Variants in PKP2 observed in about 807,000 individuals in gnomAD.
PKP2 encodes the protein plakophilin-2.
A neutral mutation model predicts 83.4 loss-of-function variants in PKP2; 73 were observed. The observed-to-expected ratio is 0.88, with a 90% CI of 0.72 to 1.06. The LOEUF (loss-of-function observed/expected upper bound fraction) is 1.06, where lower values mean the gene tolerates loss of function less well. Ranked by LOEUF, PKP2 falls within the 50% of genes least tolerant of loss-of-function variation. The pLI, the probability that PKP2 is intolerant of heterozygous loss-of-function variation, is 0.00. For missense variants in PKP2, 966 were observed against 1,065.4 expected, an observed-to-expected ratio of 0.91 and a Z score of 1.30; for synonymous variants, 409 against 430.4, an observed-to-expected ratio of 0.95 and a Z score of 0.62.
chr12:32,893,572 G>A (rs1167457309), intron 1 of PKP2: 2 of 152,176 alleles, frequency 1.3e-5, no homozygotes, highest in Non-Finnish European at 2.9e-5. Flanking sequence ...GTAAGTAGGT[G>A]TTGTTTGCTG....
chr12:32,838,588 T>G (rs543873146), intron 6 of PKP2, among the ~76,000 whole-genome samples: 2 of 152,346 alleles, frequency 1.3e-5, no homozygotes, highest in East Asian at 3.9e-4. Context: ...ACAAACTCCA[T>G]ACTCTTATCA....
At chr12:32,838,029 G>A (rs1241004330) in intron 6 of PKP2, among the ~76,000 whole-genome samples, 1 of 152,112 alleles carries the variant, frequency 6.6e-6, no homozygotes, top group African/African-American at 2.4e-5. Flanking sequence ...AGGCACATGC[G>A]CTCGCATGTT....
chr12:32,816,711 T>C (rs746651689), intron 9 of PKP2, among the ~76,000 whole-genome samples: 6 of 152,212 alleles, frequency 3.9e-5, no homozygotes, highest in East Asian at 3.9e-4. Flanking sequence ...ACCAATAGTA[T>C]GTAAGTGTTC....
At chr12:32,825,225 G>C (rs1221616488) in intron 6 of PKP2, among the ~76,000 whole-genome samples, 1 of 134,134 alleles carries the variant, frequency 7.5e-6, no homozygotes, top group Non-Finnish European at 1.5e-5. Context: ...CTGGAGTGCA[G>C]TGGCGCGATC....
intron 9 of PKP2, among the ~76,000 whole-genome samples, chr12:32,804,036 G>T (rs1956203892): frequency 6.6e-6 from 1 of 152,164 alleles, no homozygotes; most frequent in African/African-American, 2.4e-5. Context: ...AATGTGTTCA[G>T]GTAACTAAGA....
Position 32,896,607 on chromosome 12 carries a change from C to T in PKP2, c.125G>A (p.Gly42Glu). 6.3e-7 allele frequency: 1 copy of T among 1,585,352 alleles called. No individual in the cohort carries two copies. The highest frequency in any genetic ancestry group is 8.5e-7 in the Non-Finnish European group (1 of 1,174,980). ...TGTCTGGCCGCCGCGGCCGCTGCTCCCCGCCAGCTTCAGCTTGGCCTCGGA... is the reference window on the plus strand; with the variant it reads ...TGTCTGGCCGCCGCGGCCGCTGCTCTCCGCCAGCTTCAGCTTGGCCTCGGA... Reference protein sequence around the residue: ...LPSEAKLKLAGSSGRGGQTVK... With the variant: ...LPSEAKLKLAESSGRGGQTVK... The change falls in exon 1 of 13, where the codon GGG (glycine) becomes GAG (glutamate). Residue 42 changes from glycine (G) to glutamate (E), a missense_variant. Gly to Glu is a moderately conservative substitution (Grantham distance 98, BLOSUM62 -2). Coordinates refer to ENST00000340811, the MANE Select transcript of PKP2 (RefSeq NM_001005242.3).
At chr12:32,814,044 T>C (rs1956299736) in intron 9 of PKP2, among the ~76,000 whole-genome samples, 1 of 152,168 alleles carries the variant, frequency 6.6e-6, no homozygotes, top group Non-Finnish European at 1.5e-5. Context: ...AGGAGGAGAC[T>C]ACTGGACACC....
intron 1 of PKP2, among the ~76,000 whole-genome samples, chr12:32,879,499 T>A (rs1380914817): frequency 6.6e-6 from 1 of 151,884 alleles, no homozygotes; most frequent in Non-Finnish European, 1.5e-5. Flanking sequence ...ACAATTGCAC[T>A]CCAGCCTGGG....
At chr12:32,827,662 G>A (rs1310043784) in intron 6 of PKP2, among the ~76,000 whole-genome samples, 2 of 152,072 alleles carry the variant, frequency 1.3e-5, no homozygotes, top group Non-Finnish European at 2.9e-5. Context: ...TTACCCAATG[G>A]TGGCTCAATA....
At chr12:32,893,911 C>CTTTTTTTTTTTTTTTTTTTTTTTTTT (rs138765604) in intron 1 of PKP2, 2 of 81,758 alleles carry the variant, frequency 2.4e-5, no homozygotes, top group Non-Finnish European at 4.2e-5. Flanking sequence ...GAGTAACTTA[C>CTTTTTTTTTTTTTTTTTTTTTTTTTT]TTTTTTTTTT....
At chr12:32,856,862 T>C (rs537985036) in intron 4 of PKP2, among the ~76,000 whole-genome samples, 13 of 152,374 alleles carry the variant, frequency 8.5e-5, no homozygotes, top group African/African-American at 2.9e-4. Flanking sequence ...CCCGGAGTTA[T>C]TGCCTTGTGG....
At chr12:32,867,631 TA>T (rs1210744360) in intron 4 of PKP2, among the ~76,000 whole-genome samples, 1 of 152,158 alleles carries the variant, frequency 6.6e-6, no homozygotes, top group Non-Finnish European at 1.5e-5. Context: ...AGATACGGTA[TA>T]AAAAAATAAA....
rs1251815299 is a variant in PKP2, at chr12:32,840,589, G to A, written c.1556+439C>T. 3.9e-5 allele frequency among the ~76,000 whole-genome samples: 6 copies of A among 152,102 alleles called. No homozygotes were observed. In the East Asian group the frequency reaches 9.6e-4, roughly 24 times the overall value. ...GCTGGTATTACAAGTGTGAGCCACC[G>A]CACCCAGCCAAGGGTTTTCTTATTC... On this transcript the variant is annotated intron_variant, in intron 6 of 12. Coordinates refer to ENST00000340811, the MANE Select transcript of PKP2 (RefSeq NM_001005242.3).
At chr12:32,888,662 T>TC (rs397707325) in intron 1 of PKP2, among the ~76,000 whole-genome samples, 1 of 151,616 alleles carries the variant, frequency 6.6e-6, no homozygotes, top group African/African-American at 2.4e-5. Context: ...GCTTATTTTT[T>TC]CTGTACTTTT....
intron 5 of PKP2, 65 bp downstream of exon 5, chr12:32,850,701 G>C (rs1252818095): frequency 3.3e-6 from 4 of 1,221,462 alleles, no homozygotes; most frequent in East Asian, 4.7e-5. Flanking sequence ...AAGAAAAAGA[G>C]ATGATGTAAG....
At chr12:32,871,867 A>G (rs914559220) in intron 3 of PKP2, among the ~76,000 whole-genome samples, 4 of 152,070 alleles carry the variant, frequency 2.6e-5, no homozygotes, top group Admixed American at 1.3e-4. Context: ...AAATATCTTC[A>G]TTTCTGTGAA....
chr12:32,892,818 CGGGGGGG>C (rs574559982), intron 1 of PKP2, among the ~76,000 whole-genome samples: 4 of 20,108 alleles, frequency 2.0e-4, no homozygotes, highest in Non-Finnish European at 3.1e-4. Context: ...GGGGTGGGGG[CGGGGGGG>C]GGGGGAGAAC....
At chr12:32,879,371 A>C (rs1956965095) in intron 1 of PKP2, among the ~76,000 whole-genome samples, 2 of 152,002 alleles carry the variant, frequency 1.3e-5, no homozygotes, top group Admixed American at 1.3e-4. Context: ...ATCTCTACTA[A>C]ACATACAAAA....
intron 6 of PKP2, among the ~76,000 whole-genome samples, chr12:32,828,933 TTTTTG>T (rs1192537122): frequency 6.6e-6 from 1 of 152,064 alleles, no homozygotes; most frequent in Non-Finnish European, 1.5e-5. Context: ...CAGAAATTTT[TTTTTG>T]TTTTGTTTTG....
Sources: allele counts gnomAD v4.1 joint callset (sites outside exome capture counted in the v4.1 genomes callset), GRCh38; gene constraint gnomAD v4.1.1; transcripts MANE v1.5; gene names NCBI Gene and HGNC (gene_info 2026-07-23, HGNC 2026-07-21).